Variants in LRRC37A2 observed in about 807,000 individuals in gnomAD.
LRRC37A2 encodes leucine-rich repeat-containing protein 37A2.
A neutral mutation model predicts 68.8 loss-of-function variants in LRRC37A2; 9 were observed. The ratio of observed to expected loss-of-function variants is 0.13; its 90% CI spans 0.08 to 0.23. The LOEUF is 0.23. Among genes scored for constraint, LRRC37A2 ranks in the 10% least tolerant of loss-of-function variants. LRRC37A2 has a pLI of 1.00. For synonymous variants in LRRC37A2, 63 were observed against 367.6 expected (o/e 0.17, Z 9.48); for missense variants, 168 against 950.4 (o/e 0.18, Z 10.82).
chr17:46,758,615 CTT>C, the LRRC37A2 span, among the ~76,000 whole-genome samples: 1 of 152,164 alleles, frequency 6.6e-6, no homozygotes, highest in African/African-American at 2.4e-5. Flanking sequence ...CACTGGGACA[CTT>C]TTTTTCAATG....
the LRRC37A2 span, among the ~76,000 whole-genome samples, chr17:46,392,499 T>C: frequency 8.5e-5 from 4 of 46,956 alleles, no homozygotes; most frequent in Non-Finnish European, 1.8e-4. Context: ...TCTTTCTTTC[T>C]TTTCTCTCTT....
chr17:46,815,860 A>C, the LRRC37A2 span, among the ~76,000 whole-genome samples: 1 of 151,772 alleles, frequency 6.6e-6, no homozygotes, highest in African/African-American at 2.4e-5. Context: ...CCCACCAAAC[A>C]CCCAAGCTCA....
chr17:47,004,593 A>G, the LRRC37A2 span, among the ~76,000 whole-genome samples: 18 of 152,292 alleles, frequency 1.2e-4, no homozygotes, highest in African/African-American at 3.8e-4. Context: ...CAGTGGTGCA[A>G]TCATAGGTCA....
chr17:46,609,020 C>T, the LRRC37A2 span, among the ~76,000 whole-genome samples: 1 of 145,424 alleles, frequency 6.9e-6, no homozygotes, highest in South Asian at 2.2e-4. Context: ...ATGCCCATGA[C>T]CCAGCACTTA....
the LRRC37A2 span, among the ~76,000 whole-genome samples, chr17:46,774,170 G>A: frequency 6.6e-6 from 1 of 152,242 alleles, no homozygotes; most frequent in Non-Finnish European, 1.5e-5. Context: ...GCCCTTGGGG[G>A]CAATGCAAAG....
the LRRC37A2 span, chr17:46,924,130 T>G: frequency 2.9e-6 from 1 of 339,204 alleles, no homozygotes. Context: ...CTTCATTTCT[T>G]CCTTCCAGAA....
the LRRC37A2 span, among the ~76,000 whole-genome samples, chr17:46,800,845 G>A: frequency 1.3e-5 from 2 of 152,312 alleles, no homozygotes; most frequent in South Asian, 4.1e-4. Flanking sequence ...TGCTGGGGCC[G>A]CGGTGCTGAG....
chr17:46,755,256 A>G, the LRRC37A2 span: 1 of 1,297,700 alleles, frequency 7.7e-7, no homozygotes, highest in Non-Finnish European at 1.1e-6. Flanking sequence ...TCATGAAGCA[A>G]GTGCAGAGTT....
the LRRC37A2 span, among the ~76,000 whole-genome samples, chr17:46,824,404 A>G: frequency 2.0e-5 from 3 of 152,118 alleles, no homozygotes; most frequent in Non-Finnish European, 4.4e-5. Context: ...GCTCGCCACC[A>G]TGCCTGGCTA....
At chr17:46,415,412 G>A in the LRRC37A2 span, among the ~76,000 whole-genome samples, 1 of 76,558 alleles carries the variant, frequency 1.3e-5, no homozygotes, top group African/African-American at 3.6e-5. Flanking sequence ...TTTTTGAGAT[G>A]GAGTTTTGCT....
the LRRC37A2 span, among the ~76,000 whole-genome samples, chr17:46,810,896 C>T: frequency 6.6e-6 from 1 of 152,106 alleles, no homozygotes; most frequent in African/African-American, 2.4e-5. Flanking sequence ...AACTCCCTGC[C>T]CGGAAGCCGC....
At chr17:47,017,726 G>A in the LRRC37A2 span, 210,616 of 1,610,760 alleles carry the variant, frequency 0.13, 14,475 homozygotes, top group South Asian at 0.2. Context: ...GTCAGAAACA[G>A]AATTTGCAGA....
chr17:46,915,390 C>T, the LRRC37A2 span, among the ~76,000 whole-genome samples: 1 of 152,192 alleles, frequency 6.6e-6, no homozygotes, highest in Non-Finnish European at 1.5e-5. Flanking sequence ...TGAGTGGAAG[C>T]TGCAGGGCTT....
the LRRC37A2 span, among the ~76,000 whole-genome samples, chr17:46,492,306 C>G: frequency 6.6e-6 from 1 of 150,944 alleles, no homozygotes; most frequent in African/African-American, 2.5e-5. Context: ...TTAGTTTATA[C>G]GTGTACAGTG....
chr17:46,929,811 A>C, the LRRC37A2 span: 1 of 523,984 alleles, frequency 1.9e-6, no homozygotes, highest in Non-Finnish European at 3.5e-6. Context: ...TCAACCTGAC[A>C]TGGCCCTATG....
At chr17:46,947,519 C>T in the LRRC37A2 span, among the ~76,000 whole-genome samples, 2 of 152,174 alleles carry the variant, frequency 1.3e-5, no homozygotes, top group South Asian at 4.1e-4. Context: ...TGTGGACAAG[C>T]CCCACTGTCC....
chr17:46,711,254 C>A, the LRRC37A2 span: 1 of 808,368 alleles, frequency 1.2e-6, no homozygotes, highest in Non-Finnish European at 1.8e-6. Context: ...AATAGTAATC[C>A]AATCTATGTA....
chr17:46,867,507 T>C, the LRRC37A2 span, among the ~76,000 whole-genome samples: 1 of 152,232 alleles, frequency 6.6e-6, no homozygotes, highest in Non-Finnish European at 1.5e-5. Context: ...CAGAACAGCC[T>C]TGGGGCATGA....
At chr17:46,842,999 T>C in the LRRC37A2 span, among the ~76,000 whole-genome samples, 10 of 152,236 alleles carry the variant, frequency 6.6e-5, no homozygotes, top group African/African-American at 2.2e-4. Context: ...GTTCTCTCCA[T>C]GCAACCTCAG....
Sources: allele counts gnomAD v4.1 joint callset (sites outside exome capture counted in the v4.1 genomes callset), GRCh38; gene constraint gnomAD v4.1.1; transcripts MANE v1.5; gene names NCBI Gene and HGNC (gene_info 2026-07-23, HGNC 2026-07-21).